Variants in ADCY7 observed in about 807,000 individuals in gnomAD.
The protein encoded by ADCY7 is adenylate cyclase 7.
A neutral mutation model predicts 120.6 loss-of-function variants in ADCY7; 72 were observed. That is an observed-to-expected ratio of 0.60 (90% confidence interval 0.49 to 0.73). ADCY7 has a LOEUF of 0.73. Ranked by LOEUF, ADCY7 falls within the 30% of genes least tolerant of loss-of-function variation. The pLI, the probability that ADCY7 is intolerant of heterozygous loss-of-function variation, is 0.00. For missense variants in ADCY7, 1,227 were observed against 1,486.0 expected, an observed-to-expected ratio of 0.83 and a Z score of 2.87; for synonymous variants, 661 against 628.0, an observed-to-expected ratio of 1.05 and a Z score of -0.78.
In ADCY7 at chr16:50,287,901, C is replaced by T. The variant is rs113400569; in HGVS notation, c.-268-11C>T. The T allele has an allele frequency of 2.9e-4, 108 of 374,784 alleles. 1 individual carries two copies. Among genetic ancestry groups the T allele is most frequent in the African/African-American group, 1.8e-3 (85 of 48,066 alleles). The allele number at this position is 374,784 out of a possible 1,614,324, so 23.2% of individuals were successfully genotyped here. On this transcript the variant is annotated splice_polypyrimidine_tract_variant and intron_variant, in intron 1 of 25. Transcript: ENST00000673801. ...CATTAGGTCAAGTTCCTGTCTGCTT[C>T]GTCTCCGCAGAGCTGAGGAACTGCG...
rs556229264 is a variant in ADCY7 at position 50,302,141 on chromosome 16, C to T, written c.1368+927C>T. ...CCCTGCTCTCCTGTCCCCCTCACCC[C>T]ACCTGGTCTCCTCCTGCCCTTCCAC... On this transcript the variant is annotated intron_variant, in intron 10 of 25. Coordinates refer to ENST00000673801, the MANE Select transcript of ADCY7 (RefSeq NM_001114.5). Among the ~76,000 whole-genome samples, 211 of 149,550 alleles carry T rather than the reference C, an allele frequency of 1.4e-3. 1 individual carries two copies. The highest frequency in any genetic ancestry group is 5.0e-3 in the African/African-American group (204 of 41,080).
chr16:50,267,480 A>G (rs2033291963), intron 1 of ADCY7, among the ~76,000 whole-genome samples: 1 of 152,194 alleles, frequency 6.6e-6, no homozygotes, highest in African/African-American at 2.4e-5. Context: ...CGAGCCACCT[A>G]CGACAGGGGC....
chr16:50,314,411 GC>G lies in ADCY7; in HGVS notation c.2971+8del. 6.2e-7 allele frequency: 1 copy of G among 1,612,302 alleles called. No homozygotes were observed. ...ACTCCTTCCGCCTCCGCGTCGGTGA[GC>G]CCGGGTGATGGAGCGGGGTGGGGAG... On this transcript the variant is annotated splice_donor_region_variant and intron_variant, in intron 24 of 25. Coordinates refer to ENST00000673801, the MANE Select transcript of ADCY7 (RefSeq NM_001114.5).
At chr16:50,276,027 T>G (rs2033868166) in intron 1 of ADCY7, among the ~76,000 whole-genome samples, 1 of 152,170 alleles carries the variant, frequency 6.6e-6, no homozygotes, top group Non-Finnish European at 1.5e-5. Flanking sequence ...GAGGCCTGGG[T>G]ACTGTGCCGT....
At chr16:50,275,759 C>A (rs1014462959) in intron 1 of ADCY7, among the ~76,000 whole-genome samples, 1 of 152,194 alleles carries the variant, frequency 6.6e-6, no homozygotes, top group Non-Finnish European at 1.5e-5. Flanking sequence ...TTAATCTGCA[C>A]TGGGCCTTGG....
upstream of ADCY7, among the ~76,000 whole-genome samples, chr16:50,245,279 G>A (rs1216952236): frequency 2.6e-5 from 4 of 152,258 alleles, no homozygotes; most frequent in East Asian, 7.7e-4. Context: ...CTGAGAAATC[G>A]GCATAACAGG....
chr16:50,313,497 C>CA (rs2036604415), intron 22 of ADCY7: 1 of 183,216 alleles, frequency 5.5e-6, no homozygotes, highest in Admixed American at 5.6e-5. Context: ...TAAAGGTACA[C>CA]ATTTCTTTTT....
Position 50,298,924 on chromosome 16 carries a change from C to A in ADCY7, c.969C>A (p.Ile323=). 6.2e-7 allele frequency: 1 copy of A among 1,613,954 alleles called. No individual in the cohort carries two copies. The highest frequency in any genetic ancestry group is 1.3e-5 in the African/African-American group (1 of 75,060). Residue 323 remains isoleucine, a synonymous_variant, in exon 8 of 26, where the codon ATC becomes ATA. Coordinates refer to ENST00000673801, the MANE Select transcript of ADCY7 (RefSeq NM_001114.5). ...TGCAGGCCAACGAGTGCATGCGAAT[C>A]AAGATCCTCGGCGACTGCTACTACT... ...QIAKANECMR[I]KILGDCYYCV...
Position 50,290,782 on chromosome 16 carries a change from G to T in ADCY7, c.375+122G>T, listed in dbSNP as rs911123937. The T allele has an allele frequency of 7.1e-6, 8 of 1,130,784 alleles. No individual in the cohort carries two copies. The South Asian group carries it at 1.3e-4, about 18-fold the overall frequency. 70.0% of individuals were successfully genotyped at this position (1,130,784 alleles called of 1,614,324 possible). A position where few individuals can be genotyped will look rare whatever the true frequency, so the allele number is the denominator to read the frequency against. The stretch of plus-strand genomic sequence containing the variant: ...GGCTGTGTGTCTAGGATGGCCCCAG[G>T]CTGGTTTTGTCCCTGTGAGTTCTCT... On this transcript the variant is annotated intron_variant, in intron 3 of 25. Transcript: ENST00000673801.
chr16:50,247,539 A>ATTTT (rs5816683), intron 1 of ADCY7, among the ~76,000 whole-genome samples: 2,589 of 111,270 alleles, frequency 0.023, 85 homozygotes, highest in Non-Finnish European at 0.028. Flanking sequence ...TAATTTAGTA[A>ATTTT]TTTTTTTTTT....
Position 50,305,836 on chromosome 16 carries a change from G to A in ADCY7, c.1739G>A (p.Gly580Asp), listed in dbSNP as rs2036027625. The A allele has an allele frequency of 3.1e-6, 5 of 1,613,830 alleles. No individual in the cohort carries two copies. The highest frequency in any genetic ancestry group is 4.2e-6 in the Non-Finnish European group (5 of 1,179,994). The change falls in exon 14 of 26, where the codon GGC becomes GAC. Residue 580 changes from glycine (G) to aspartate (D), a missense_variant. Coordinates refer to ENST00000673801, the MANE Select transcript of ADCY7 (RefSeq NM_001114.5). The part of the protein sequence containing the change: ...YTFGSIFLEK[G>D]FEREYRLAPI... ...TTTGGGTCCATCTTCCTGGAGAAGG[G>A]CTTTGAGCGCGAGGTGAGGGCCCCC...
At chr16:50,300,655 G>A in intron 8 of ADCY7, 60 bp from the exon 9 acceptor site, 1 of 1,537,564 alleles carries the variant, frequency 6.5e-7, no homozygotes, top group African/African-American at 1.4e-5. Flanking sequence ...CCACACCTGG[G>A]AGCTTCAGCC....
At chr16:50,303,260 C>G (rs955522154) in intron 10 of ADCY7, among the ~76,000 whole-genome samples, 1 of 152,170 alleles carries the variant, frequency 6.6e-6, no homozygotes, top group African/African-American at 2.4e-5. Context: ...GGACACTCAC[C>G]GAGGCTGAAT....
At chr16:50,262,661 T>C (rs1420479494), upstream of ADCY7, among the ~76,000 whole-genome samples, 1 of 152,166 alleles carries the variant, frequency 6.6e-6, no homozygotes, top group East Asian at 1.9e-4. Context: ...ATGCCTTTGA[T>C]GGGCACCTCT....
intron 1 of ADCY7, among the ~76,000 whole-genome samples, chr16:50,259,382 G>A (rs1181459592): frequency 1.3e-5 from 2 of 152,254 alleles, no homozygotes; most frequent in Non-Finnish European, 2.9e-5. Flanking sequence ...CGGGTGCAGG[G>A]AAGGACAGGC....
intron 1 of ADCY7, among the ~76,000 whole-genome samples, chr16:50,269,937 C>T (rs1465403671): frequency 6.6e-6 from 1 of 152,060 alleles, no homozygotes; most frequent in African/African-American, 2.4e-5. Context: ...ACCTGCAGTC[C>T]CAGCGCTTTG....
chr16:50,288,854 G>T (rs865891567), intron 2 of ADCY7, among the ~76,000 whole-genome samples: 2 of 151,962 alleles, frequency 1.3e-5, no homozygotes, highest in Admixed American at 6.6e-5. Context: ...TTTGAGACTG[G>T]GCCTTGTTTT....
Position 50,290,658 on chromosome 16 carries a change from C to T in ADCY7, c.373C>T (p.Gln125Ter), listed in dbSNP as rs1266618355. The change falls in exon 3 of 26, where the codon CAG (glutamine) becomes TAG (stop). Residue 125 changes from glutamine (Q) to a stop codon, truncating the protein, a stop_gained and splice_region_variant. Coordinates refer to ENST00000673801, the MANE Select transcript of ADCY7 (RefSeq NM_001114.5). LOFTEE classifies it high-confidence loss of function. ...AWTKAACAWE[Q>*]VPFFLFIVFV... ...GACAAAGGCGGCCTGTGCGTGGGAG[C>T]AGGTAACAGGAACTCTGGACTCCCT... The T allele has an allele frequency of 1.2e-6, 2 of 1,611,516 alleles. No homozygotes were observed. The highest frequency in any genetic ancestry group is 1.7e-6 in the Non-Finnish European group (2 of 1,178,178).
chr16:50,298,177 T>C (rs749632427), intron 7 of ADCY7, among the ~76,000 whole-genome samples: 2 of 152,056 alleles, frequency 1.3e-5, no homozygotes, highest in African/African-American at 4.8e-5. Context: ...CAGCCACTGC[T>C]TGGGTGACCT....
Sources: gnomAD v4.1 joint callset for allele counts (sites outside exome capture counted in the v4.1 genomes callset) on GRCh38, gnomAD v4.1.1 for gene constraint, MANE v1.5 for transcripts, NCBI Gene and HGNC (gene_info 2026-07-23, HGNC 2026-07-21) for gene names.